CTNNA1: variants seen among roughly 807,000 people sequenced by gnomAD.
CTNNA1 encodes the protein catenin alpha 1, also known as catenin alpha-1.
In CTNNA1, 37 loss-of-function variants were observed where a neutral mutation model predicts 98.4. The observed-to-expected ratio is 0.38, with a 90% CI of 0.29 to 0.49. CTNNA1 has a LOEUF of 0.49. Ranked by LOEUF, CTNNA1 falls within the 20% of genes least tolerant of loss-of-function variation. The pLI is 0.95. For missense variants in CTNNA1, 761 were observed against 1,147.2 expected (o/e 0.66, Z 4.86); for synonymous variants, 404 against 413.2 (o/e 0.98, Z 0.27).
At chr5:138,922,109 C>T (rs1469141445) in intron 11 of CTNNA1, among the ~76,000 whole-genome samples, 5 of 152,178 alleles carry the variant, frequency 3.3e-5, no homozygotes, top group South Asian at 2.1e-4. Context: ...TATTGCTACA[C>T]GTTGTAGACT....
chr5:138,840,637 C>T (rs1762193933), intron 7 of CTNNA1, among the ~76,000 whole-genome samples: 1 of 152,068 alleles, frequency 6.6e-6, no homozygotes, highest in Non-Finnish European at 1.5e-5. Context: ...GGGAGGCCAC[C>T]TATTTAGTTT....
chr5:138,764,703 T>C (rs917024465), intron 1 of CTNNA1, among the ~76,000 whole-genome samples: 8 of 151,820 alleles, frequency 5.3e-5, no homozygotes, highest in African/African-American at 1.9e-4. Flanking sequence ...ACTCCTGACC[T>C]CAGGTGATCC....
chr5:138,917,434 A>G (rs1391101797), intron 10 of CTNNA1, among the ~76,000 whole-genome samples: 2 of 152,174 alleles, frequency 1.3e-5, no homozygotes, highest in South Asian at 2.1e-4. Context: ...GTATTTTTTG[A>G]TGTGGCTATA....
chr5:138,882,754 G>A (rs770722062), intron 7 of CTNNA1, among the ~76,000 whole-genome samples: 7 of 152,184 alleles, frequency 4.6e-5, no homozygotes, highest in Non-Finnish European at 1.0e-4. Context: ...TTTGAGTAAC[G>A]TAATTTTTGT....
At chr5:138,833,627 T>C (rs986613599) in intron 7 of CTNNA1, among the ~76,000 whole-genome samples, 26 of 152,220 alleles carry the variant, frequency 1.7e-4, no homozygotes, top group African/African-American at 6.3e-4. Flanking sequence ...TGGCTTGCAT[T>C]GTATCTCTGT....
intron 5 of CTNNA1, among the ~76,000 whole-genome samples, chr5:138,815,440 T>C (rs2149746503): frequency 1.3e-5 from 2 of 151,950 alleles, no homozygotes; most frequent in Non-Finnish European, 2.9e-5. Context: ...CAGCAGGAGG[T>C]CAAAGGAGAT....
intron 1 of CTNNA1, among the ~76,000 whole-genome samples, chr5:138,757,387 A>G (rs1751784500): frequency 6.6e-6 from 1 of 152,158 alleles, no homozygotes; most frequent in African/African-American, 2.4e-5. Context: ...GGCATACAGT[A>G]TTTAAAAACA....
At chr5:138,908,488 C>T (rs982663544) in intron 10 of CTNNA1, among the ~76,000 whole-genome samples, 6 of 151,960 alleles carry the variant, frequency 3.9e-5, no homozygotes, top group Non-Finnish European at 5.9e-5. Context: ...GGCAACAGAG[C>T]GAGACCCCAT....
intron 7 of CTNNA1, chr5:138,875,038 A>C: frequency 2.2e-6 from 2 of 906,262 alleles, no homozygotes; most frequent in Non-Finnish European, 3.5e-6. Flanking sequence ...AGGCTTTCCA[A>C]GTAAAATTGA....
intron 10 of CTNNA1, among the ~76,000 whole-genome samples, chr5:138,916,670 G>A (rs1416075262): frequency 6.6e-6 from 1 of 152,052 alleles, no homozygotes; most frequent in African/African-American, 2.4e-5. Flanking sequence ...CTACAGGTGT[G>A]TGCCACCATG....
chr5:138,846,036 C>G (rs1046254477), intron 7 of CTNNA1, among the ~76,000 whole-genome samples: 1 of 152,160 alleles, frequency 6.6e-6, no homozygotes, highest in Non-Finnish European at 1.5e-5. Context: ...AAGCGATTCT[C>G]CTGCCTCAGC....
At chr5:138,790,590 A>C (rs2149677154) in intron 3 of CTNNA1, among the ~76,000 whole-genome samples, 1 of 152,248 alleles carries the variant, frequency 6.6e-6, no homozygotes, top group South Asian at 2.1e-4. Context: ...TTGGAATTCC[A>C]CCAAGTTTTC....
At chr5:138,918,017 T>A (rs1369179593) in intron 11 of CTNNA1, 119 bp downstream of exon 11, 5 of 1,067,408 alleles carry the variant, frequency 4.7e-6, no homozygotes, top group Non-Finnish European at 6.8e-6. Flanking sequence ...ACAATAATAT[T>A]GTGCTGGTTT....
chr5:138,873,033 G>T lies in CTNNA1; in HGVS notation c.1063-13179G>T, dbSNP rs372173239. ...TATTATACTTCACATTCTTTGTATG[G>T]CAGCTGCTGACACTTGCACTGTCCA... On this transcript the variant is annotated intron_variant, in intron 7 of 17. Coordinates refer to ENST00000302763, the MANE Select transcript of CTNNA1 (RefSeq NM_001903.5). The surrounding 1 kb of genome is among the most constrained non-coding windows in gnomAD (Gnocchi z 6.1). 10 of 1,606,862 alleles carry T rather than the reference G, an allele frequency of 6.2e-6. No homozygotes were observed. Among genetic ancestry groups the T allele is most frequent in the Non-Finnish European group, 7.7e-6 (9 of 1,176,434 alleles).
At chr5:138,916,522 C>G (rs750300323) in intron 10 of CTNNA1, among the ~76,000 whole-genome samples, 4 of 151,436 alleles carry the variant, frequency 2.6e-5, no homozygotes, top group Non-Finnish European at 5.9e-5. Context: ...GCCACCACGC[C>G]CAGCTTGTTT....
intron 11 of CTNNA1, among the ~76,000 whole-genome samples, chr5:138,921,157 T>C (rs1561746337): frequency 6.6e-6 from 1 of 152,212 alleles, no homozygotes; most frequent in African/African-American, 2.4e-5. Context: ...TATTGACCAA[T>C]CCCTTAAGGA....
At position 138,932,369 on chromosome 5, in the gene CTNNA1, CAT is replaced by C. The variant is rs1765553105; in HGVS notation, c.2299-208_2299-207del. ...GTGCCATGCGGCGCAGTCAGGGTCC[CAT>C]GGACGACTTCCATCAGCTCACCCGC... On this transcript the variant is annotated intron_variant, in intron 16 of 17. Transcript: ENST00000302763. 2.1e-6 allele frequency: 3 copies of C among 1,403,018 alleles called. No individual in the cohort carries two copies. In the South Asian group the frequency reaches 4.9e-5, roughly 23 times the overall value. The allele number at this position is 1,403,018 out of a possible 1,614,324, so 86.9% of individuals were successfully genotyped here. A position where few individuals can be genotyped will look rare whatever the true frequency, so the allele number is the denominator to read the frequency against.
chr5:138,767,072 T>G (rs1157790142), intron 1 of CTNNA1, among the ~76,000 whole-genome samples: 4 of 152,258 alleles, frequency 2.6e-5, no homozygotes, highest in African/African-American at 9.6e-5. Context: ...AGTCTCGCTC[T>G]GTCGTCCAGG....
chr5:138,928,342 C>G (rs1233073706), intron 13 of CTNNA1, among the ~76,000 whole-genome samples: 4 of 152,188 alleles, frequency 2.6e-5, no homozygotes, highest in African/African-American at 9.7e-5. Context: ...GACCAGTAAT[C>G]AGTCCCTTGG....
Sources: gnomAD v4.1 joint callset for allele counts (sites outside exome capture counted in the v4.1 genomes callset) on GRCh38, gnomAD v4.1.1 for gene constraint, Gnocchi (gnomAD v3.1) non-coding constraint, MANE v1.5 for transcripts, NCBI Gene and HGNC (gene_info 2026-07-23, HGNC 2026-07-21) for gene names.